FOXJ3: variants seen among roughly 807,000 people sequenced by gnomAD.
FOXJ3 encodes forkhead box J3.
A neutral mutation model predicts 76.1 loss-of-function variants in FOXJ3; 22 were observed. That is an observed-to-expected ratio of 0.29 (90% confidence interval 0.21 to 0.41). The LOEUF (loss-of-function observed/expected upper bound fraction) is 0.41. Ranked by LOEUF, FOXJ3 falls within the 10% of genes least tolerant of loss-of-function variation. The probability of loss-of-function intolerance (pLI) is 1.00; values close to 1 mark genes in which losing one functional copy is unlikely to be tolerated. For missense variants in FOXJ3, 613 were observed against 762.1 expected, an observed-to-expected ratio of 0.80 and a Z score of 2.30; for synonymous variants, 269 against 261.2, an observed-to-expected ratio of 1.03 and a Z score of -0.29.
In FOXJ3 at chr1:42,240,975, T is replaced by C. The variant is rs58184824; in HGVS notation, c.445-13009A>G. On this transcript the variant is annotated intron_variant, in intron 4 of 12. Coordinates refer to ENST00000361346, the MANE Select transcript of FOXJ3 (RefSeq NM_014947.5). ...CAAGCAGATAATCACATTTCAAACA[T>C]AGCATCTAAGACAGAACACTAGAAT... 3.1e-3 allele frequency among the ~76,000 whole-genome samples: 471 copies of C among 152,252 alleles called. 4 individuals are homozygous for C. Among genetic ancestry groups the C allele is most frequent in the African/African-American group, 0.011 (451 of 41,536 alleles).
chr1:42,294,762 C>CAAAAAAAAAAAAAAAAAAAAAA (rs5773766), intron 2 of FOXJ3, among the ~76,000 whole-genome samples: 3 of 105,678 alleles, frequency 2.8e-5, no homozygotes, highest in African/African-American at 1.1e-4. Flanking sequence ...AACTTGGTCT[C>CAAAAAAAAAAAAAAAAAAAAAA]AAAAAAAAAA....
At chr1:42,329,454 G>C (rs1656028350) in intron 1 of FOXJ3, among the ~76,000 whole-genome samples, 2 of 152,154 alleles carry the variant, frequency 1.3e-5, no homozygotes, top group African/African-American at 4.8e-5. Context: ...ACGCCACTGT[G>C]GTGTTTTCTG....
chr1:42,256,755 G>C (rs1407293394), intron 4 of FOXJ3, among the ~76,000 whole-genome samples: 2 of 152,182 alleles, frequency 1.3e-5, no homozygotes, highest in Non-Finnish European at 2.9e-5. Context: ...CATGTCCACA[G>C]AAAACTTGTT....
At chr1:42,266,865 G>A (rs554291416) in intron 3 of FOXJ3, among the ~76,000 whole-genome samples, 28 of 152,192 alleles carry the variant, frequency 1.8e-4, no homozygotes, top group African/African-American at 6.7e-4. Flanking sequence ...ACTGCTTCTG[G>A]GGGAAGAATG....
At chr1:42,203,572 C>T (rs891403823) in intron 6 of FOXJ3, among the ~76,000 whole-genome samples, 3 of 152,168 alleles carry the variant, frequency 2.0e-5, no homozygotes, top group Admixed American at 2.0e-4. Flanking sequence ...CTTTGAAGAC[C>T]ATAAACTACA....
At chr1:42,321,087 A>G (rs1196335553) in intron 1 of FOXJ3, among the ~76,000 whole-genome samples, 1 of 152,170 alleles carries the variant, frequency 6.6e-6, no homozygotes, top group Non-Finnish European at 1.5e-5. Flanking sequence ...AATAAAAATT[A>G]CCTGCCTCAT....
chr1:42,229,052 C>T (rs1451040276), intron 4 of FOXJ3, among the ~76,000 whole-genome samples: 2 of 152,076 alleles, frequency 1.3e-5, no homozygotes, highest in Non-Finnish European at 2.9e-5. Context: ...TTGAACATAC[C>T]ATGTTGTTTA....
chr1:42,254,296 A>G (rs1242231038), intron 4 of FOXJ3, among the ~76,000 whole-genome samples: 5 of 148,154 alleles, frequency 3.4e-5, no homozygotes, highest in East Asian at 2.0e-4. Flanking sequence ...AATGGCAATC[A>G]TTAAAAAGTC....
rs765318877 is a variant in FOXJ3 at position 42,265,042 on chromosome 1, G to C, written c.444+73C>G. 23 of 954,882 alleles carry C rather than the reference G, an allele frequency of 2.4e-5. No individual in the cohort carries two copies. In the African/African-American group the frequency reaches 3.5e-4, roughly 15 times the overall value. 59.2% of individuals were successfully genotyped at this position (954,882 alleles called of 1,614,324 possible). A position where few individuals can be genotyped will look rare whatever the true frequency, so the allele number is the denominator to read the frequency against. ...TGCAGAGGTTCCTATTCAATGAACT[G>C]GAAAAGTTCTTAATTCAAACATGAC... On this transcript the variant is annotated intron_variant, in intron 4 of 12. Transcript: ENST00000361346.
intron 1 of FOXJ3, among the ~76,000 whole-genome samples, chr1:42,324,080 GTATA>G (rs1202328611): frequency 9.4e-5 from 1 of 10,622 alleles, no homozygotes; most frequent in Non-Finnish European, 2.7e-4. Flanking sequence ...TGTATATATA[GTATA>G]TATACTGTAT....
At chr1:42,228,206 A>C (rs1647736573) in intron 4 of FOXJ3, among the ~76,000 whole-genome samples, 2 of 152,166 alleles carry the variant, frequency 1.3e-5, no homozygotes, top group African/African-American at 2.4e-5. Flanking sequence ...CTTCTGCCAC[A>C]CCAAAATTTA....
In FOXJ3 at chr1:42,222,260, C is replaced by A. The variant is rs555119417; in HGVS notation, c.528+5623G>T. Reference sequence around the variant, plus strand: ...ACTAATCTGCCCTATTTCAGTTCATCCATCAGGCCTCCAATTAACGTCACT... The same window carrying A: ...ACTAATCTGCCCTATTTCAGTTCATACATCAGGCCTCCAATTAACGTCACT... On this transcript the variant is annotated intron_variant, in intron 5 of 12. Coordinates refer to ENST00000361346, the MANE Select transcript of FOXJ3 (RefSeq NM_014947.5). Among the ~76,000 whole-genome samples, 8 of 151,964 alleles carry A rather than the reference C, an allele frequency of 5.3e-5. No homozygotes were observed. In the South Asian group the frequency reaches 1.7e-3, roughly 32 times the overall value.
At chr1:42,216,961 A>C (rs924580464) in intron 5 of FOXJ3, among the ~76,000 whole-genome samples, 6 of 152,224 alleles carry the variant, frequency 3.9e-5, no homozygotes, top group Admixed American at 3.9e-4. Context: ...TAAATGCTCC[A>C]TGAAAAGGCA....
rs1654776608 is a variant in FOXJ3 at position 42,311,040 on chromosome 1, G to GA, written c.44+9dup. On this transcript the variant is annotated intron_variant, in intron 2 of 12. Coordinates refer to ENST00000361346, the MANE Select transcript of FOXJ3 (RefSeq NM_014947.5). ...ATGTTCTAATAAAGAAAAAAAAAAA[G>GA]AGCACTCACCTTAATGAAGTTACAG... 4 of 1,517,608 alleles carry GA rather than the reference G, an allele frequency of 2.6e-6. No individual in the cohort carries two copies. The African/African-American group carries it at 4.2e-5, about 16-fold the overall frequency. The allele number at this position is 1,517,608 out of a possible 1,614,324, so 94.0% of individuals were successfully genotyped here. A position where few individuals can be genotyped will look rare whatever the true frequency, so the allele number is the denominator to read the frequency against.
chr1:42,185,405 C>T (rs1186980533), intron 11 of FOXJ3, among the ~76,000 whole-genome samples: 1 of 151,702 alleles, frequency 6.6e-6, no homozygotes, highest in Non-Finnish European at 1.5e-5. Context: ...CTACAGGCGC[C>T]TGCCACCACG....
intron 4 of FOXJ3, among the ~76,000 whole-genome samples, chr1:42,264,072 A>C (rs1651286793): frequency 6.6e-6 from 1 of 151,830 alleles, no homozygotes; most frequent in Non-Finnish European, 1.5e-5. Context: ...AAATAAAAAG[A>C]ACTCAAAAGA....
intron 5 of FOXJ3, among the ~76,000 whole-genome samples, chr1:42,210,814 C>T (rs1646952878): frequency 1.3e-5 from 2 of 152,144 alleles, no homozygotes; most frequent in Non-Finnish European, 2.9e-5. Flanking sequence ...CACTGAATCC[C>T]TTGCATACAT....
chr1:42,334,103 A>G (rs755772594), intron 1 of FOXJ3: 21 of 965,208 alleles, frequency 2.2e-5, no homozygotes, highest in Non-Finnish European at 2.5e-5. Flanking sequence ...CCAGACACAC[A>G]AAAAGTAAAA....
rs57106831 is a variant in FOXJ3, at chr1:42,222,013, A to G, written c.528+5870T>C. ...GGAGGGGGAGGGGGAGGAGGAGGAG[A>G]AGGAGAAGGGGGAGGGGGAGGAGAA... On this transcript the variant is annotated intron_variant, in intron 5 of 12. Coordinates refer to ENST00000361346, the MANE Select transcript of FOXJ3 (RefSeq NM_014947.5). Among the ~76,000 whole-genome samples, 26 of 3,472 alleles carry G rather than the reference A, an allele frequency of 7.5e-3. 7 individuals are homozygous for G. The South Asian group carries it at 0.077, about 10-fold the overall frequency. 2.3% of individuals were successfully genotyped at this position (3,472 alleles called of 152,430 possible).
Sources: allele counts gnomAD v4.1 joint callset (sites outside exome capture counted in the v4.1 genomes callset), GRCh38; gene constraint gnomAD v4.1.1; transcripts MANE v1.5; gene names NCBI Gene and HGNC (gene_info 2026-07-23, HGNC 2026-07-21).